Variants in SANBR observed in about 807,000 individuals in gnomAD.
SANBR encodes SANT and BTB domain regulator of class switch recombination.
In SANBR, 77 loss-of-function variants were observed where a neutral mutation model predicts 101.8. The ratio of observed to expected loss-of-function variants is 0.76; its 90% CI spans 0.63 to 0.91. SANBR has a LOEUF of 0.91. Ranked by LOEUF, SANBR falls within the 40% of genes least tolerant of loss-of-function variation. The pLI is 0.00. For missense variants in SANBR, 875 were observed against 853.0 expected (o/e 1.03, Z -0.32); for synonymous variants, 279 against 274.7 (o/e 1.02, Z -0.15).
chr2:61,072,191 A>T (rs373231346), intron 4 of SANBR, among the ~76,000 whole-genome samples: 41 of 152,236 alleles, frequency 2.7e-4, no homozygotes, highest in African/African-American at 9.9e-4. Context: ...CGTCCGCCTC[A>T]GCTTCCCAAA....
At chr2:61,074,415 A>G (rs564736105) in intron 5 of SANBR, among the ~76,000 whole-genome samples, 6 of 152,184 alleles carry the variant, frequency 3.9e-5, no homozygotes, top group African/African-American at 1.4e-4. Context: ...ACAGTCTTGG[A>G]GGTTTTCTTT....
chr2:61,124,130 G>A lies in SANBR; in HGVS notation c.*1968G>A. Reference sequence around the variant, plus strand: ...AAAAAAAGAATGTGTTTTTAATTTTGTTAATGTTTGTCTGTTATACATAGC... The same window carrying A: ...AAAAAAAGAATGTGTTTTTAATTTTATTAATGTTTGTCTGTTATACATAGC... On this transcript the variant is annotated 3_prime_UTR_variant, in exon 22 of 22. Coordinates refer to ENST00000402291, the MANE Select transcript of SANBR (RefSeq NM_001129993.3). 1 of 976,598 alleles carries A rather than the reference G, an allele frequency of 1.0e-6. No individual in the cohort carries two copies. The highest frequency in any genetic ancestry group is 1.7e-5 in the African/African-American group (1 of 57,160). 60.5% of individuals were successfully genotyped at this position (976,598 alleles called of 1,614,324 possible). A position where few individuals can be genotyped will look rare whatever the true frequency, so the allele number is the denominator to read the frequency against.
At chr2:61,082,663 A>G (rs1312084415) in intron 7 of SANBR, among the ~76,000 whole-genome samples, 2 of 152,212 alleles carry the variant, frequency 1.3e-5, no homozygotes, top group East Asian at 3.8e-4. Context: ...TACTAAAAAT[A>G]CAAAAATTAG....
exon 22 of SANBR, chr2:61,137,651 T>C (rs1222866637): frequency 1.3e-5 from 2 of 152,064 alleles, no homozygotes; most frequent in African/African-American, 4.8e-5. Context: ...CAGAGGATAA[T>C]ACAACAAATA....
intron 16 of SANBR, among the ~76,000 whole-genome samples, chr2:61,113,807 C>T (rs1488082389): frequency 1.3e-5 from 2 of 152,164 alleles, no homozygotes; most frequent in African/African-American, 4.8e-5. Context: ...AACAGACAGA[C>T]ATCCTTACCT....
downstream of SANBR, among the ~76,000 whole-genome samples, chr2:61,126,747 A>C (rs1573679116): frequency 7.1e-6 from 1 of 141,680 alleles, no homozygotes; most frequent in African/African-American, 2.7e-5. Flanking sequence ...GGTTGCTGTG[A>C]CCTAAGATCG....
chr2:61,076,474 A>G (rs2104857456), intron 5 of SANBR, among the ~76,000 whole-genome samples: 1 of 149,612 alleles, frequency 6.7e-6, no homozygotes, highest in East Asian at 2.0e-4. Flanking sequence ...AAAAAAAAAA[A>G]AAAATTAGCT....
At chr2:61,080,312 A>G (rs1288900533) in intron 6 of SANBR, among the ~76,000 whole-genome samples, 1 of 152,182 alleles carries the variant, frequency 6.6e-6, no homozygotes, top group Non-Finnish European at 1.5e-5. Flanking sequence ...CAGGAAAACT[A>G]CCAAAATGCT....
At chr2:61,099,511 G>T (rs755512179) in intron 12 of SANBR, among the ~76,000 whole-genome samples, 1 of 152,218 alleles carries the variant, frequency 6.6e-6, no homozygotes, top group South Asian at 2.1e-4. Flanking sequence ...ACGGAAATCA[G>T]GTTTCGAGGG....
rs1354389286 is a variant in SANBR at position 61,109,298 on chromosome 2, T to C, written c.1744+2T>C. The C allele has an allele frequency of 1.3e-6, 2 of 1,505,506 alleles. No individual in the cohort carries two copies. The highest frequency in any genetic ancestry group is 1.8e-5 in the Admixed American group (1 of 54,428). 93.3% of individuals were successfully genotyped at this position (1,505,506 alleles called of 1,614,324 possible). ...AAGAAGAAGTATCCAAGAAACAAAGTATTGGTTTATAAGTTAAAATCAAAT... is the reference window on the plus strand; with the variant it reads ...AAGAAGAAGTATCCAAGAAACAAAGCATTGGTTTATAAGTTAAAATCAAAT... On this transcript the variant is annotated splice_donor_variant, in intron 16 of 21. Transcript: ENST00000402291. LOFTEE classifies it high-confidence loss of function.
Position 61,122,669 on chromosome 2 carries a change from C to A in SANBR, c.*507C>A. Reference sequence around the variant, plus strand: ...GCATGAATATTAAGGAGTGACAGGTCTCAAGACTGCATTAAATGAAGTTTC... The same window carrying A: ...GCATGAATATTAAGGAGTGACAGGTATCAAGACTGCATTAAATGAAGTTTC... On this transcript the variant is annotated 3_prime_UTR_variant, in exon 22 of 22. Transcript: ENST00000402291. 1.0e-6 allele frequency: 1 copy of A among 986,060 alleles called. No homozygotes were observed. The highest frequency in any genetic ancestry group is 1.2e-6 in the Non-Finnish European group (1 of 830,366). 61.1% of individuals were successfully genotyped at this position (986,060 alleles called of 1,614,324 possible). A position where few individuals can be genotyped will look rare whatever the true frequency, so the allele number is the denominator to read the frequency against.
downstream of SANBR, among the ~76,000 whole-genome samples, chr2:61,126,332 C>T (rs1211306605): frequency 5.3e-5 from 8 of 152,196 alleles, no homozygotes; most frequent in Non-Finnish European, 1.2e-4. Flanking sequence ...TCACCACCCC[C>T]AGTTATTAAC....
downstream of SANBR, among the ~76,000 whole-genome samples, chr2:61,128,072 A>G (rs1559154625): frequency 6.6e-6 from 1 of 151,986 alleles, no homozygotes; most frequent in East Asian, 1.9e-4. Context: ...GGAGATTGAG[A>G]CCATCCTGGC....
At chr2:61,115,833 A>G (rs1684051229) in intron 16 of SANBR, 146 bp from the exon 17 acceptor site, 2 of 524,680 alleles carry the variant, frequency 3.8e-6, no homozygotes, top group Non-Finnish European at 6.8e-6. Context: ...GCTTTGCTTC[A>G]TGGTATATTT....
Position 61,071,634 on chromosome 2 carries a change from G to A in SANBR, c.179G>A (p.Ser60Asn). ...GCAAAAAGGTTTGATGAATTAAAGAGCAGTGGAAGCTCGCCTGTTGACAAC... is the reference window on the plus strand; with the variant it reads ...GCAAAAAGGTTTGATGAATTAAAGAACAGTGGAAGCTCGCCTGTTGACAAC... The part of the protein sequence containing the change: ...ECAKRFDELK[S>N]SGSSPVDNQY... The change falls in exon 4 of 22, where the codon AGC becomes AAC. Residue 60 changes from serine (S) to asparagine (N), a missense_variant. Physicochemically the swap from Ser to Asn is conservative, Grantham distance 46. Coordinates refer to ENST00000402291, the MANE Select transcript of SANBR (RefSeq NM_001129993.3). 1 of 1,572,868 alleles carries A rather than the reference G, an allele frequency of 6.4e-7. No homozygotes were observed. The highest frequency in any genetic ancestry group is 2.3e-5 in the East Asian group (1 of 43,088).
At chr2:61,118,284 C>G (rs1259886106) in intron 20 of SANBR, among the ~76,000 whole-genome samples, 168 bp downstream of exon 20, 1 of 152,012 alleles carries the variant, frequency 6.6e-6, no homozygotes, top group Non-Finnish European at 1.5e-5. Context: ...TCTTGTTGCC[C>G]AGGCTGGAAT....
At position 61,121,212 on chromosome 2, in the gene SANBR, G is replaced by A. The variant is rs879021784; in HGVS notation, c.2056G>A (p.Glu686Lys). The change falls in exon 21 of 22, where the codon GAA (glutamate) becomes AAA (lysine). Residue 686 changes from glutamate to lysine, a missense_variant. Coordinates refer to ENST00000402291, the MANE Select transcript of SANBR (RefSeq NM_001129993.3). ...EFAGGIYSRLEAQIKASVPVS... is the reference protein window; with the variant it reads ...EFAGGIYSRLKAQIKASVPVS... ...TGCAGGAGGTATTTATTCCAGGCTG[G>A]AAGCACAAATCAAGGCCTCAGTGCC... The A allele has an allele frequency of 5.8e-6, 9 of 1,551,146 alleles. No individual in the cohort carries two copies. The highest frequency in any genetic ancestry group is 7.0e-6 in the Non-Finnish European group (8 of 1,146,584).
chr2:61,128,800 A>G (rs1385823057), downstream of SANBR, among the ~76,000 whole-genome samples: 1 of 152,044 alleles, frequency 6.6e-6, no homozygotes, highest in African/African-American at 2.4e-5. Flanking sequence ...GGCCTTACAA[A>G]TAAATTTTTT....
chr2:61,099,175 G>A (rs1159093149), intron 12 of SANBR, among the ~76,000 whole-genome samples: 1 of 152,220 alleles, frequency 6.6e-6, no homozygotes, highest in Non-Finnish European at 1.5e-5. Flanking sequence ...GTAGGTGTCA[G>A]TCCATGCAGG....
Sources: gnomAD v4.1 joint callset for allele counts (sites outside exome capture counted in the v4.1 genomes callset) on GRCh38, gnomAD v4.1.1 for gene constraint, MANE v1.5 for transcripts, NCBI Gene and HGNC (gene_info 2026-07-23, HGNC 2026-07-21) for gene names.